Variants in ROBO2 observed in about 807,000 individuals in gnomAD.
The protein encoded by ROBO2 is roundabout homolog 2.
ROBO2 carries 53 observed loss-of-function variants against 160.8 expected under a neutral mutation model. The ratio of observed to expected loss-of-function variants is 0.33; its 90% CI spans 0.26 to 0.41. The LOEUF (loss-of-function observed/expected upper bound fraction) is 0.41. Among genes scored for constraint, ROBO2 ranks in the 10% least tolerant of loss-of-function variants. The pLI is 1.00. For missense variants in ROBO2, 1,577 were observed against 1,722.4 expected, an observed-to-expected ratio of 0.92 and a Z score of 1.49; for synonymous variants, 664 against 611.7, an observed-to-expected ratio of 1.09 and a Z score of -1.26.
At chr3:76,871,758 C>T (rs1188235779) in intron 2 of ROBO2, among the ~76,000 whole-genome samples, 3 of 152,048 alleles carry the variant, frequency 2.0e-5, no homozygotes, top group Non-Finnish European at 2.9e-5. Context: ...TGGCAGCCAA[C>T]TTTTTCATGG....
At chr3:76,236,173 T>C (rs1704932156) in intron 2 of ROBO2, among the ~76,000 whole-genome samples, 1 of 152,094 alleles carries the variant, frequency 6.6e-6, no homozygotes, top group Non-Finnish European at 1.5e-5. Flanking sequence ...CTATATTTAA[T>C]TTTCTATTTA....
Position 77,251,265 on chromosome 3 carries a change from G to GC in ROBO2, c.388+152925_388+152926insC, listed in dbSNP as rs1489777004. Among the ~76,000 whole-genome samples the GC allele has an allele frequency of 4.1e-4, 62 of 152,236 alleles. No individual in the cohort carries two copies. In the East Asian group the frequency reaches 6.2e-3, roughly 15 times the overall value. On this transcript the variant is annotated intron_variant, in intron 2 of 25. Coordinates refer to ENST00000461745, the Ensembl canonical transcript of ROBO2. ...TTTTAGGGACCTGCAGATTTAATAT[G>GC]ATGTGGACATCGCCAAGGTTTTCAG...
rs180880592 is a variant in ROBO2, at chr3:76,528,732, A to G, written c.110-569282A>G. Among the ~76,000 whole-genome samples, 4 of 152,210 alleles carry G rather than the reference A, an allele frequency of 2.6e-5. No homozygotes were observed. The East Asian group carries it at 5.8e-4, about 22-fold the overall frequency. On this transcript the variant is annotated intron_variant, in intron 2 of 26. Coordinates refer to the ROBO2 transcript ENST00000487694. ...AGATGGTATTTAAATCTACGAGACC[A>G]GATGTGATCACCAGGGGAAGGAGGA...
chr3:75,967,101 T>G (rs180817263), intron 2 of ROBO2, among the ~76,000 whole-genome samples: 23 of 151,814 alleles, frequency 1.5e-4, no homozygotes, highest in Admixed American at 1.5e-3. Context: ...TACTCCAAGA[T>G]AATGTGCTGA....
chr3:76,894,158 T>G (rs986046669), intron 2 of ROBO2, among the ~76,000 whole-genome samples: 4 of 152,156 alleles, frequency 2.6e-5, no homozygotes, highest in African/African-American at 9.6e-5. Context: ...TTTTTCCTGC[T>G]TCACTAAACC....
intron 2 of ROBO2, among the ~76,000 whole-genome samples, chr3:76,116,028 G>A (rs9808969): frequency 0.069 from 10,543 of 152,154 alleles, 670 homozygotes; most frequent in East Asian, 0.36. Flanking sequence ...TTTAACCAAA[G>A]TTCAACATAT....
intron 2 of ROBO2, among the ~76,000 whole-genome samples, chr3:76,832,465 GACA>G (rs1199238493): frequency 6.6e-6 from 1 of 152,108 alleles, no homozygotes; most frequent in Admixed American, 6.6e-5. Flanking sequence ...ACTGAGGAAT[GACA>G]ACGTTTAATG....
intron 2 of ROBO2, among the ~76,000 whole-genome samples, chr3:76,105,588 T>G (rs560268611): frequency 6.6e-6 from 1 of 152,242 alleles, no homozygotes; most frequent in South Asian, 2.1e-4. Flanking sequence ...GACTAAGAAG[T>G]CAGGTGGATA....
At chr3:77,569,672 A>AT (rs1310574181) in intron 13 of ROBO2, among the ~76,000 whole-genome samples, 1 of 151,918 alleles carries the variant, frequency 6.6e-6, no homozygotes, top group Non-Finnish European at 1.5e-5. Flanking sequence ...CCTGTTATGT[A>AT]TTTAAAGTTG....
intron 21 of ROBO2, among the ~76,000 whole-genome samples, chr3:77,614,403 G>T (rs929675424): frequency 1.3e-5 from 2 of 152,084 alleles, no homozygotes; most frequent in Non-Finnish European, 2.9e-5. Context: ...AATTAAATGG[G>T]AATACAGTTT....
chr3:77,349,145 T>G (rs1252574688), intron 2 of ROBO2, among the ~76,000 whole-genome samples: 2 of 152,110 alleles, frequency 1.3e-5, no homozygotes, highest in Admixed American at 6.6e-5. Context: ...TTGAATATAA[T>G]AGGTGGTCAA....
intron 2 of ROBO2, among the ~76,000 whole-genome samples, chr3:76,485,191 T>C (rs1040353626): frequency 2.4e-4 from 37 of 152,202 alleles, no homozygotes; most frequent in African/African-American, 7.7e-4. Context: ...TCTCATAATG[T>C]ACAATCAGTC....
At chr3:76,823,766 T>C (rs1347417942) in intron 2 of ROBO2, among the ~76,000 whole-genome samples, 2 of 152,042 alleles carry the variant, frequency 1.3e-5, no homozygotes, top group Admixed American at 1.3e-4. Context: ...ATGACACCAA[T>C]GGAGGAGAAG....
chr3:76,805,502 T>C lies in ROBO2; in HGVS notation c.110-292512T>C, dbSNP rs536997175. Among the ~76,000 whole-genome samples the C allele has an allele frequency of 8.5e-4, 129 of 151,900 alleles. 1 individual carries two copies. The East Asian group carries it at 0.014, about 16-fold the overall frequency. On this transcript the variant is annotated intron_variant, in intron 2 of 26. Coordinates refer to the ROBO2 transcript ENST00000487694. ...TATATGTTCCCCCCATATATATATATACACACACACATATGTATATATGTA... is the reference window on the plus strand; with the variant it reads ...TATATGTTCCCCCCATATATATATACACACACACACATATGTATATATGTA...
chr3:77,329,218 C>T (rs2065746704), intron 2 of ROBO2, among the ~76,000 whole-genome samples: 1 of 152,208 alleles, frequency 6.6e-6, no homozygotes, highest in South Asian at 2.1e-4. Context: ...AGTAACACAG[C>T]TTTTAAGAAA....
At chr3:76,547,017 T>C (rs2083146035) in intron 2 of ROBO2, among the ~76,000 whole-genome samples, 1 of 151,952 alleles carries the variant, frequency 6.6e-6, no homozygotes, top group African/African-American at 2.4e-5. Flanking sequence ...AATTACTTAA[T>C]TACTCTAGAG....
chr3:76,344,199 CTG>C (rs2074390737), intron 2 of ROBO2, among the ~76,000 whole-genome samples: 1 of 152,080 alleles, frequency 6.6e-6, no homozygotes, highest in African/African-American at 2.4e-5. Flanking sequence ...AGAAAAGAGT[CTG>C]TTAAAAATTG....
At chr3:76,300,063 C>G (rs1576315084) in intron 2 of ROBO2, among the ~76,000 whole-genome samples, 1 of 152,032 alleles carries the variant, frequency 6.6e-6, no homozygotes, top group Admixed American at 6.6e-5. Flanking sequence ...CTTTCTAGGT[C>G]AAAAGTCCAG....
At chr3:77,416,426 T>C (rs1247396426) in intron 2 of ROBO2, among the ~76,000 whole-genome samples, 1 of 152,050 alleles carries the variant, frequency 6.6e-6, no homozygotes, top group Non-Finnish European at 1.5e-5. Context: ...GCCCAGAAAT[T>C]TATCTGCCGT....
Sources: gnomAD v4.1 joint callset for allele counts (sites outside exome capture counted in the v4.1 genomes callset) on GRCh38, gnomAD v4.1.1 for gene constraint, MANE v1.5 for transcripts, NCBI Gene and HGNC (gene_info 2026-07-23, HGNC 2026-07-21) for gene names.